The following ADGRL3 variants were observed in gnomAD, a reference collection of about 807,000 sequenced individuals.
ADGRL3 encodes calcium-independent alpha-latrotoxin receptor 3.
Under a neutral mutation model 153.5 loss-of-function variants are expected in ADGRL3, and 62 were observed. The observed-to-expected ratio is 0.40, with a 90% confidence interval of 0.33 to 0.50. The LOEUF (loss-of-function observed/expected upper bound fraction) is 0.50. Among genes scored for constraint, ADGRL3 ranks in the 20% least tolerant of loss-of-function variants. ADGRL3 has a pLI of 0.47. For missense variants in ADGRL3, 1,641 were observed against 1,859.4 expected (o/e 0.88, Z 2.16); for synonymous variants, 710 against 672.5 (o/e 1.06, Z -0.86).
chr4:61,594,074 C>T (rs1225561220), intron 5 of ADGRL3, among the ~76,000 whole-genome samples: 1 of 152,088 alleles, frequency 6.6e-6, no homozygotes, highest in Non-Finnish European at 1.5e-5. Flanking sequence ...TTGATCAATT[C>T]TGCTATTAAG....
At chr4:61,787,884 C>T (rs1435163918) in intron 8 of ADGRL3, among the ~76,000 whole-genome samples, 2 of 151,418 alleles carry the variant, frequency 1.3e-5, no homozygotes, top group Admixed American at 6.6e-5. Context: ...GCACATAAAA[C>T]AGAGCACATA....
At chr4:61,663,170 C>A (rs192480520) in intron 5 of ADGRL3, among the ~76,000 whole-genome samples, 1 of 152,190 alleles carries the variant, frequency 6.6e-6, no homozygotes, top group Non-Finnish European at 1.5e-5. Context: ...GAAAGACACT[C>A]CTTGCTCACT....
At chr4:62,015,814 C>T (rs971083761) in intron 21 of ADGRL3, among the ~76,000 whole-genome samples, 5 of 151,840 alleles carry the variant, frequency 3.3e-5, no homozygotes, top group Admixed American at 3.3e-4. Flanking sequence ...TGCTGATATA[C>T]ATTTTGAATG....
chr4:61,207,208 C>A, intron 1 of ADGRL3, among the ~76,000 whole-genome samples: 1 of 151,994 alleles, frequency 6.6e-6, no homozygotes, highest in East Asian at 1.9e-4. Flanking sequence ...TAGCCTCCAC[C>A]CTGCAACAGG....
intron 6 of ADGRL3, among the ~76,000 whole-genome samples, chr4:61,704,990 C>T (rs1338400686): frequency 4.6e-5 from 7 of 152,150 alleles, no homozygotes; most frequent in African/African-American, 1.7e-4. Flanking sequence ...AAGTCTTGAA[C>T]CCTTCAAAGT....
chr4:61,897,874 A>T (rs1581363572), intron 11 of ADGRL3, among the ~76,000 whole-genome samples: 1 of 152,210 alleles, frequency 6.6e-6, no homozygotes, highest in East Asian at 1.9e-4. Flanking sequence ...ACTGCAAGGG[A>T]TTGAGCAGAA....
At chr4:61,686,812 C>G (rs1034013321) in intron 6 of ADGRL3, among the ~76,000 whole-genome samples, 1 of 152,056 alleles carries the variant, frequency 6.6e-6, no homozygotes, top group East Asian at 1.9e-4. Flanking sequence ...TCCTCCCCAT[C>G]TTCCAGCCTC....
intron 17 of ADGRL3, among the ~76,000 whole-genome samples, chr4:61,973,253 A>G (rs1202880812): frequency 1.3e-5 from 2 of 151,996 alleles, no homozygotes; most frequent in East Asian, 1.9e-4. Flanking sequence ...TGTTCCAGAA[A>G]TTTGGACTTA....
intron 1 of ADGRL3, among the ~76,000 whole-genome samples, chr4:61,285,780 G>A (rs1033330801): frequency 1.3e-5 from 2 of 151,612 alleles, no homozygotes; most frequent in African/African-American, 4.8e-5. Flanking sequence ...ACTTAATATG[G>A]TACCAGATAT....
At chr4:62,015,368 G>A (rs943125869) in intron 21 of ADGRL3, among the ~76,000 whole-genome samples, 4 of 152,120 alleles carry the variant, frequency 2.6e-5, no homozygotes, top group South Asian at 2.1e-4. Flanking sequence ...TCTTTGTTCC[G>A]CAACTGAGAT....
intron 2 of ADGRL3, among the ~76,000 whole-genome samples, chr4:61,437,941 T>C (rs1230644884): frequency 6.6e-6 from 1 of 152,182 alleles, no homozygotes; most frequent in Admixed American, 6.5e-5. Context: ...TCCAAATTCT[T>C]ATGACACACA....
chr4:61,430,695 T>C (rs746331909), intron 2 of ADGRL3, among the ~76,000 whole-genome samples: 3 of 152,154 alleles, frequency 2.0e-5, no homozygotes, highest in Non-Finnish European at 4.4e-5. Context: ...ATTTCTTTCC[T>C]TGTTCATCCC....
chr4:61,560,220 T>C (rs901289328), intron 4 of ADGRL3, among the ~76,000 whole-genome samples: 1 of 152,138 alleles, frequency 6.6e-6, no homozygotes, highest in Non-Finnish European at 1.5e-5. Context: ...CTGCTGAGTA[T>C]GCCTTTATTG....
chr4:61,378,585 C>T (rs1222417642), intron 1 of ADGRL3, among the ~76,000 whole-genome samples: 1 of 152,004 alleles, frequency 6.6e-6, no homozygotes, highest in East Asian at 1.9e-4. Context: ...ACAAGCCACT[C>T]TGTTCAGAAT....
chr4:61,619,698 C>G (rs2092358282), intron 5 of ADGRL3, among the ~76,000 whole-genome samples: 1 of 152,224 alleles, frequency 6.6e-6, no homozygotes, highest in South Asian at 2.1e-4. Flanking sequence ...CTGGTTGCTG[C>G]TTTCTGGCCA....
At chr4:61,465,522 A>G (rs2097868097) in intron 2 of ADGRL3, among the ~76,000 whole-genome samples, 1 of 151,860 alleles carries the variant, frequency 6.6e-6, no homozygotes, top group African/African-American at 2.4e-5. Flanking sequence ...AAATGAATTT[A>G]TATTGTATTT....
At chr4:61,437,499 T>G (rs2097463573) in intron 2 of ADGRL3, among the ~76,000 whole-genome samples, 1 of 152,196 alleles carries the variant, frequency 6.6e-6, no homozygotes, top group Non-Finnish European at 1.5e-5. Flanking sequence ...TATTTGATCT[T>G]TAACAGTTTT....
chr4:61,712,079 C>T (rs1269408835), intron 6 of ADGRL3, among the ~76,000 whole-genome samples: 1 of 152,024 alleles, frequency 6.6e-6, no homozygotes. Context: ...TCGCAAAGAA[C>T]AGTATAGCAT....
At chr4:61,257,286 A>G (rs182173944) in intron 1 of ADGRL3, among the ~76,000 whole-genome samples, 171 of 152,302 alleles carry the variant, frequency 1.1e-3, no homozygotes, top group African/African-American at 3.7e-3. Context: ...CAAGAAACTG[A>G]TCTTGTTTCA....
Sources: allele counts gnomAD v4.1 joint callset (sites outside exome capture counted in the v4.1 genomes callset), GRCh38; gene constraint gnomAD v4.1.1; transcripts MANE v1.5; gene names NCBI Gene and HGNC (gene_info 2026-07-23, HGNC 2026-07-21).